BLTP1: variants seen among roughly 807,000 people sequenced by gnomAD.
BLTP1 encodes the protein bridge-like lipid transfer protein family member 1, also known as fragile site-associated protein.
the BLTP1 span, among the ~76,000 whole-genome samples, chr4:122,341,352 G>A: frequency 6.6e-6 from 1 of 152,088 alleles, no homozygotes; most frequent in Admixed American, 6.6e-5. Context: ...TTGTCAATGT[G>A]ATGGATTAAA....
the BLTP1 span, among the ~76,000 whole-genome samples, chr4:122,338,839 A>C: frequency 6.6e-6 from 1 of 152,174 alleles, no homozygotes; most frequent in Non-Finnish European, 1.5e-5. Context: ...TATTGTTCTG[A>C]GATGGCTCCT....
chr4:122,197,933 A>T, the BLTP1 span: 2 of 978,984 alleles, frequency 2.0e-6, no homozygotes, highest in African/African-American at 3.5e-5. Context: ...AGCAGTTAAG[A>T]TGAAATTCTG....
the BLTP1 span, chr4:122,209,268 G>A: frequency 6.2e-7 from 1 of 1,612,610 alleles, no homozygotes; most frequent in Non-Finnish European, 8.5e-7. Flanking sequence ...CATGATACTG[G>A]TATTCCTGCT....
At chr4:122,245,014 C>T in the BLTP1 span, 3 of 1,601,828 alleles carry the variant, frequency 1.9e-6, no homozygotes, top group Non-Finnish European at 2.6e-6. Context: ...TGTTTTTTCC[C>T]CTCAGATATA....
the BLTP1 span, among the ~76,000 whole-genome samples, chr4:122,253,764 C>A: frequency 6.6e-6 from 1 of 152,028 alleles, no homozygotes; most frequent in African/African-American, 2.4e-5. Flanking sequence ...CTTCCCAAAC[C>A]TTGAGAAAGA....
chr4:122,227,104 T>A, the BLTP1 span: 3 of 622,966 alleles, frequency 4.8e-6, no homozygotes, highest in Non-Finnish European at 6.3e-6. Flanking sequence ...TCATGTCATA[T>A]TGCATTATTA....
At chr4:122,270,897 T>G in the BLTP1 span, 1 of 1,340,292 alleles carries the variant, frequency 7.5e-7, no homozygotes, top group Non-Finnish European at 9.9e-7. Flanking sequence ...GTTTGCTTGC[T>G]TAAAATTATT....
At chr4:122,213,382 A>C in the BLTP1 span, among the ~76,000 whole-genome samples, 1 of 152,062 alleles carries the variant, frequency 6.6e-6, no homozygotes, top group Non-Finnish European at 1.5e-5. Flanking sequence ...ACTTGGTATC[A>C]GTATTAGTAC....
the BLTP1 span, chr4:122,234,955 A>G: frequency 6.2e-7 from 1 of 1,613,840 alleles, no homozygotes; most frequent in Non-Finnish European, 8.5e-7. Flanking sequence ...TCTGATATGT[A>G]TTATGGACAG....
the BLTP1 span, chr4:122,209,973 TGATA>T: frequency 5.7e-6 from 9 of 1,579,592 alleles, no homozygotes; most frequent in African/African-American, 1.1e-4. Flanking sequence ...CTATTATGAT[TGATA>T]ATCATGAAAA....
chr4:122,302,126 A>T, the BLTP1 span: 1 of 283,282 alleles, frequency 3.5e-6, no homozygotes, highest in Non-Finnish European at 5.3e-6. Context: ...TCCAATATTT[A>T]AGATACTGGT....
chr4:122,240,061 C>G, the BLTP1 span: 1 of 1,614,136 alleles, frequency 6.2e-7, no homozygotes, highest in Non-Finnish European at 8.5e-7. Flanking sequence ...AAAACTCATC[C>G]TTCTCAGGCT....
the BLTP1 span, among the ~76,000 whole-genome samples, chr4:122,294,128 G>T: frequency 1.3e-5 from 2 of 152,028 alleles, no homozygotes; most frequent in East Asian, 1.9e-4. Flanking sequence ...CTCTCCCTGG[G>T]GGGTGGGGCG....
chr4:122,351,699 T>TC, the BLTP1 span, among the ~76,000 whole-genome samples: 1 of 152,206 alleles, frequency 6.6e-6, no homozygotes, highest in East Asian at 1.9e-4. Flanking sequence ...TTTATGTTTT[T>TC]CCTGTAGTCC....
At chr4:122,200,502 G>A in the BLTP1 span, 1 of 822,212 alleles carries the variant, frequency 1.2e-6, no homozygotes, top group Non-Finnish European at 1.5e-6. Context: ...ATTGCTTGAA[G>A]CTGGGAGGCG....
the BLTP1 span, chr4:122,325,830 T>A: frequency 1.9e-6 from 2 of 1,066,900 alleles, no homozygotes; most frequent in African/African-American, 1.7e-5. Flanking sequence ...TTTTTTTTTT[T>A]ACTTTTCTCA....
At chr4:122,328,517 T>G in the BLTP1 span, 3 of 506,008 alleles carry the variant, frequency 5.9e-6, no homozygotes, top group Admixed American at 1.3e-4. Context: ...TTAATAAAAT[T>G]TATCACATGG....
At chr4:122,245,035 G>T in the BLTP1 span, 1 of 1,609,324 alleles carries the variant, frequency 6.2e-7, no homozygotes, top group Non-Finnish European at 8.5e-7. Flanking sequence ...TTGAAGCAAT[G>T]GTTCATTGTG....
the BLTP1 span, chr4:122,328,115 G>A: frequency 1.8e-5 from 29 of 1,588,110 alleles, no homozygotes; most frequent in Non-Finnish European, 2.4e-5. Flanking sequence ...TTCCAGAGGA[G>A]ACAGAACTGG....
Sources: allele counts gnomAD v4.1 joint callset (sites outside exome capture counted in the v4.1 genomes callset), GRCh38; gene constraint gnomAD v4.1.1; transcripts MANE v1.5; gene names NCBI Gene and HGNC (gene_info 2026-07-23, HGNC 2026-07-21).